The following TUT7 variants were observed in gnomAD, a reference collection of about 807,000 sequenced individuals.
The protein encoded by TUT7 is terminal uridylyl transferase 7.
Under a neutral mutation model 165.9 loss-of-function variants are expected in TUT7, and 33 were observed. The ratio of observed to expected loss-of-function variants is 0.20; its 90% CI spans 0.15 to 0.27. The LOEUF (loss-of-function observed/expected upper bound fraction) is 0.27. Ranked by LOEUF, TUT7 falls within the 10% of genes least tolerant of loss-of-function variation. The pLI, the probability that TUT7 is intolerant of heterozygous loss-of-function variation, is 1.00. For synonymous variants in TUT7, 552 were observed against 608.1 expected, an observed-to-expected ratio of 0.91 and a Z score of 1.36; for missense variants, 1,338 against 1,762.3, an observed-to-expected ratio of 0.76 and a Z score of 4.31.
At chr9:86,342,392 G>A (rs1231574344) in intron 6 of TUT7, among the ~76,000 whole-genome samples, 1 of 152,118 alleles carries the variant, frequency 6.6e-6, no homozygotes, top group Non-Finnish European at 1.5e-5. Flanking sequence ...ATCTACTAAA[G>A]TGCCTTTCAG....
At chr9:86,303,825 C>G (rs1156839875) in intron 24 of TUT7, among the ~76,000 whole-genome samples, 1 of 152,182 alleles carries the variant, frequency 6.6e-6, no homozygotes, top group Non-Finnish European at 1.5e-5. Flanking sequence ...TTAACAAAAT[C>G]CTCAGGTGAT....
intron 6 of TUT7, among the ~76,000 whole-genome samples, chr9:86,341,734 G>A (rs192830817): frequency 7.4e-4 from 112 of 151,944 alleles, no homozygotes; most frequent in African/African-American, 2.5e-3. Flanking sequence ...TTTCCCTCCC[G>A]TTTCCCCCTC....
At chr9:86,310,134 G>T in intron 18 of TUT7, 117 bp from the exon 19 acceptor site, 1 of 807,284 alleles carries the variant, frequency 1.2e-6, no homozygotes, top group Non-Finnish European at 1.9e-6. Context: ...GCCCAGGCTG[G>T]TCATGAACTC....
chr9:86,319,664 A>G lies in TUT7; in HGVS notation c.3035T>C (p.Phe1012Ser), dbSNP rs1216866826. 1 of 1,603,066 alleles carries G rather than the reference A, an allele frequency of 6.2e-7. No homozygotes were observed. Among genetic ancestry groups the G allele is most frequent in the Admixed American group, 1.7e-5 (1 of 58,450 alleles). ...CTGATCTTCTATAATTGTTGGAGAA[A>G]AATCCTCTGTTTAAAAATAAATAGA... ...DQVCIQCYKD[F>S]SPTIIEDQAR... is the part of the protein sequence containing the mutation. Residue 1012 changes from phenylalanine (F) to serine (S), a missense_variant, in exon 15 of 27, where the codon TTT becomes TCT. Around this residue, in one of 7 missense-constraint regions of TUT7, gnomAD observed 425 missense variants for 474.9 expected, o/e 0.89. Transcript: ENST00000375963.
chr9:86,351,420 A>C (rs1449054082), intron 2 of TUT7, among the ~76,000 whole-genome samples: 2 of 152,230 alleles, frequency 1.3e-5, no homozygotes, highest in African/African-American at 2.4e-5. Flanking sequence ...TGGGTGACAG[A>C]GCGAGACTCC....
intron 6 of TUT7, among the ~76,000 whole-genome samples, chr9:86,341,513 G>A (rs549780578): frequency 2.6e-5 from 4 of 152,150 alleles, no homozygotes; most frequent in African/African-American, 9.6e-5. Context: ...ACTTCTTACT[G>A]CCCTTAGGTC....
Position 86,340,108 on chromosome 9 carries a change from G to A in TUT7, c.1139-3C>T, listed in dbSNP as rs1344687304. 4.3e-6 allele frequency: 7 copies of A among 1,612,230 alleles called. No individual in the cohort carries two copies. The highest frequency in any genetic ancestry group is 2.2e-5 in the South Asian group (2 of 90,968). On this transcript the variant is annotated splice_polypyrimidine_tract_variant and splice_region_variant and intron_variant, in intron 7 of 26. Transcript: ENST00000375963. The stretch of plus-strand genomic sequence containing the variant: ...TGCATCAACATCAATAAAGGAGTCT[G>A]AGGAAAGAAGAAGAAAAATATTAAG...
At chr9:86,303,699 G>A (rs902973934) in intron 24 of TUT7, among the ~76,000 whole-genome samples, 14 of 152,342 alleles carry the variant, frequency 9.2e-5, no homozygotes, top group African/African-American at 3.1e-4. Context: ...GGTCTAGCCT[G>A]TAGCCTCTTT....
chr9:86,342,972 A>C, intron 6 of TUT7, 103 bp downstream of exon 6: 1 of 830,650 alleles, frequency 1.2e-6, no homozygotes, highest in South Asian at 1.8e-5. Context: ...CATTACACTT[A>C]AAATATCTTC....
In TUT7 at chr9:86,352,715, A is replaced by G. The variant is rs1339498384; in HGVS notation, c.485T>C (p.Leu162Pro). ...RRLFHKDLTS[L>P]ETTSEMEAGS... is the part of the protein sequence containing the mutation. ...TGCTTCCATTTCTGACGTGGTTTCT[A>G]GGCTTGTTAGGTCTTTATGAAACAG... The change falls in exon 2 of 27, where the codon CTA (leucine) becomes CCA (proline). Residue 162 changes from leucine (L) to proline (P), a missense_variant. Coordinates refer to ENST00000375963, the MANE Select transcript of TUT7 (RefSeq NM_024617.4). The G allele has an allele frequency of 1.9e-6, 3 of 1,614,100 alleles. No homozygotes were observed. The highest frequency in any genetic ancestry group is 1.3e-5 in the African/African-American group (1 of 74,936).
chr9:86,322,177 G>T, intron 14 of TUT7, 148 bp downstream of exon 14: 1 of 649,812 alleles, frequency 1.5e-6, no homozygotes, highest in South Asian at 2.3e-5. Flanking sequence ...GAACAGACAT[G>T]ACATGGAACG....
At chr9:86,295,298 T>C (rs1037101307) in intron 26 of TUT7, among the ~76,000 whole-genome samples, 5 of 152,172 alleles carry the variant, frequency 3.3e-5, no homozygotes, top group Non-Finnish European at 7.4e-5. Flanking sequence ...ATTTGATACA[T>C]TTAAGGCTGA....
chr9:86,344,303 G>C (rs1831568639), intron 5 of TUT7, among the ~76,000 whole-genome samples: 5 of 152,154 alleles, frequency 3.3e-5, no homozygotes, highest in Admixed American at 2.0e-4. Context: ...AATGGCCAGT[G>C]GGGGTTGGGG....
chr9:86,336,428 C>T (rs1830788272), intron 10 of TUT7, among the ~76,000 whole-genome samples: 1 of 152,158 alleles, frequency 6.6e-6, no homozygotes, highest in Admixed American at 6.5e-5. Context: ...CTAGGATACA[C>T]AGCATGCAAT....
At chr9:86,309,027 A>G (rs906237143) in intron 21 of TUT7, among the ~76,000 whole-genome samples, 185 bp downstream of exon 21, 1 of 152,254 alleles carries the variant, frequency 6.6e-6, no homozygotes, top group Non-Finnish European at 1.5e-5. Context: ...TATAGGCCCT[A>G]GAAATTCACT....
chr9:86,337,338 G>C, intron 10 of TUT7, 81 bp downstream of exon 10: 1 of 1,471,100 alleles, frequency 6.8e-7, no homozygotes, highest in South Asian at 1.3e-5. Context: ...TAGGTGTCTA[G>C]ATTTTGAAAT....
intron 26 of TUT7, among the ~76,000 whole-genome samples, chr9:86,300,315 A>AGAGGTAT (rs1374908776): frequency 6.6e-6 from 1 of 152,230 alleles, no homozygotes; most frequent in African/African-American, 2.4e-5. Context: ...AAAATAGAAG[A>AGAGGTAT]GAGGTATTCT....
At chr9:86,314,868 CCA>C (rs1828554934) in intron 17 of TUT7, among the ~76,000 whole-genome samples, 2 of 152,106 alleles carry the variant, frequency 1.3e-5, no homozygotes, top group Admixed American at 6.5e-5. Context: ...CCAAAATATC[CCA>C]CAGTCTCACA....
At chr9:86,301,708 G>A in intron 25 of TUT7, 107 bp from the exon 26 acceptor site, 4 of 1,503,294 alleles carry the variant, frequency 2.7e-6, no homozygotes, top group Non-Finnish European at 3.5e-6. Flanking sequence ...AGATGACCAG[G>A]AATAGAAAGT....
Sources: allele counts gnomAD v4.1 joint callset (sites outside exome capture counted in the v4.1 genomes callset), GRCh38; gene constraint gnomAD v4.1.1; regional missense constraint gnomAD v4.1.1; transcripts MANE v1.5; gene names NCBI Gene and HGNC (gene_info 2026-07-23, HGNC 2026-07-21).